TBC1D5: variants seen among roughly 807,000 people sequenced by gnomAD.
The protein encoded by TBC1D5 is TBC1 domain family, member 5.
Under a neutral mutation model 100.3 loss-of-function variants are expected in TBC1D5, and 75 were observed. The observed-to-expected ratio is 0.75, with a 90% CI of 0.62 to 0.91. The LOEUF is 0.91. TBC1D5 is among the 40% of genes least tolerant of loss of function. The probability of loss-of-function intolerance (pLI) is 0.00; values close to 1 mark genes in which losing one functional copy is unlikely to be tolerated. For missense variants in TBC1D5, 910 were observed against 942.4 expected, an observed-to-expected ratio of 0.97 and a Z score of 0.45; for synonymous variants, 323 against 325.6, an observed-to-expected ratio of 0.99 and a Z score of 0.09.
chr3:17,373,441 A>G (rs1473705909), intron 12 of TBC1D5, among the ~76,000 whole-genome samples: 1 of 152,180 alleles, frequency 6.6e-6, no homozygotes, highest in African/African-American at 2.4e-5. Context: ...TAATATAATG[A>G]GACAACCATA....
chr3:17,523,885 T>C (rs927406946), intron 2 of TBC1D5, among the ~76,000 whole-genome samples: 2 of 152,130 alleles, frequency 1.3e-5, no homozygotes, highest in Non-Finnish European at 1.5e-5. Context: ...AAGAGAAACA[T>C]AGTTTATCTG....
rs772992617 is a variant in TBC1D5, at chr3:17,406,440, CT to C, written c.253del (p.Arg85GlyfsTer22). ...TACCTTCCAGCAAATGCTGCGGAAC[CT>C]GCTGCTTCTCAGCTGCCCATTAATC... is the stretch of plus-strand genomic sequence containing the variant. On this transcript the variant is annotated frameshift_variant, in exon 5 of 22. Transcript: ENST00000253692. LOFTEE classifies it high-confidence loss of function. 7 of 1,609,456 alleles carry C rather than the reference CT, an allele frequency of 4.3e-6. No individual in the cohort carries two copies. In the South Asian group the frequency reaches 7.8e-5, roughly 18 times the overall value.
At chr3:17,631,622 T>C (rs1305273182) in intron 1 of TBC1D5, among the ~76,000 whole-genome samples, 1 of 152,230 alleles carries the variant, frequency 6.6e-6, no homozygotes, top group Admixed American at 6.5e-5. Context: ...ACTACTCTGT[T>C]AAGGTCTAAT....
chr3:17,161,307 G>A, intron 21 of TBC1D5, 51 bp from the exon 23 acceptor site: 1 of 1,547,638 alleles, frequency 6.5e-7, no homozygotes, highest in Non-Finnish European at 8.7e-7. Context: ...AACTGGCAAA[G>A]AACTGAGTGG....
intron 2 of TBC1D5, among the ~76,000 whole-genome samples, chr3:17,602,876 A>G (rs1490041245): frequency 6.6e-6 from 1 of 151,940 alleles, no homozygotes; most frequent in Admixed American, 6.6e-5. Context: ...TGCCCGGCCG[A>G]CAATCAGATT....
At position 17,214,384 on chromosome 3, in the gene TBC1D5, T is replaced by A. The variant is rs773286584; in HGVS notation, c.1589-14A>T. 2 of 1,606,782 alleles carry A rather than the reference T, an allele frequency of 1.2e-6. No individual in the cohort carries two copies. Among genetic ancestry groups the A allele is most frequent in the East Asian group, 4.5e-5 (2 of 44,610 alleles). ...TAGAACTTAGCCCTGTAAGAAAAATTAAGTAGCAATAATGAAACACCAGAC... is the reference window on the plus strand; with the variant it reads ...TAGAACTTAGCCCTGTAAGAAAAATAAAGTAGCAATAATGAAACACCAGAC... On this transcript the variant is annotated splice_polypyrimidine_tract_variant and intron_variant, in intron 17 of 21. Coordinates refer to ENST00000253692, the Ensembl canonical transcript of TBC1D5.
intron 3 of TBC1D5, among the ~76,000 whole-genome samples, chr3:17,476,816 T>A (rs1257473473): frequency 6.6e-6 from 1 of 151,926 alleles, no homozygotes; most frequent in African/African-American, 2.4e-5. Flanking sequence ...TACCACATAG[T>A]TTACTGATTT....
intron 1 of TBC1D5, among the ~76,000 whole-genome samples, chr3:17,726,109 T>A (rs2076106467): frequency 6.6e-6 from 1 of 152,238 alleles, no homozygotes. Flanking sequence ...CTTTATCCAG[T>A]CTACCACTGA....
At chr3:17,619,741 G>T (rs866057481) in intron 2 of TBC1D5, among the ~76,000 whole-genome samples, 1 of 152,170 alleles carries the variant, frequency 6.6e-6, no homozygotes. Flanking sequence ...ATAAAATTTC[G>T]CAGGACAAAA....
At chr3:17,217,637 T>G (rs1414266406) in intron 17 of TBC1D5, among the ~76,000 whole-genome samples, 2 of 152,128 alleles carry the variant, frequency 1.3e-5, no homozygotes, top group Admixed American at 6.6e-5. Flanking sequence ...ATGCTTAGCA[T>G]CTTTTCAGGT....
chr3:17,663,333 A>G (rs914618158), intron 1 of TBC1D5, among the ~76,000 whole-genome samples: 1 of 151,304 alleles, frequency 6.6e-6, no homozygotes, highest in Admixed American at 6.6e-5. Context: ...TCACTAGTTT[A>G]AAAAAAAATC....
exon 15 of TBC1D5, chr3:17,291,939 C>A: frequency 3.7e-6 from 6 of 1,613,944 alleles, no homozygotes; most frequent in Non-Finnish European, 5.1e-6. Flanking sequence ...AGTGAGTGTA[C>A]ATCCCCGATG....
At chr3:17,710,680 T>C (rs1326899815) in intron 1 of TBC1D5, among the ~76,000 whole-genome samples, 3 of 151,672 alleles carry the variant, frequency 2.0e-5, no homozygotes, top group Non-Finnish European at 4.4e-5. Context: ...TTTCATTTAT[T>C]TTATTTATTT....
Position 17,250,631 on chromosome 3 carries a change from G to A in TBC1D5, c.1331+7875C>T, listed in dbSNP as rs367779875. On this transcript the variant is annotated intron_variant, in intron 16 of 21. Transcript: ENST00000253692. The stretch of plus-strand genomic sequence containing the variant: ...CTTTGTACTTGCATTTTCCTATAAC[G>A]GGAAATGTTCTTCCCCAAGAATCCA... Among the ~76,000 whole-genome samples, 70 of 152,228 alleles carry A rather than the reference G, an allele frequency of 4.6e-4. No homozygotes were observed. In the Middle Eastern group the frequency reaches 0.01, roughly 22 times the overall value.
At chr3:17,395,431 T>A (rs1422690372) in intron 8 of TBC1D5, among the ~76,000 whole-genome samples, 4 of 152,014 alleles carry the variant, frequency 2.6e-5, no homozygotes, top group African/African-American at 9.7e-5. Context: ...ATTAAAAAAA[T>A]AAATACAAAG....
At chr3:17,363,480 G>A (rs2091881340) in intron 13 of TBC1D5, among the ~76,000 whole-genome samples, 1 of 150,870 alleles carries the variant, frequency 6.6e-6, no homozygotes, top group Admixed American at 6.6e-5. Flanking sequence ...ATTTTTTAGA[G>A]ACAGGGTCTA....
intron 18 of TBC1D5, among the ~76,000 whole-genome samples, chr3:17,194,378 G>A (rs979172344): frequency 6.6e-6 from 1 of 152,150 alleles, no homozygotes; most frequent in East Asian, 1.9e-4. Flanking sequence ...GCTTCCAGGA[G>A]AGCCTTCCAA....
chr3:17,666,306 C>A (rs2067247452), intron 1 of TBC1D5, among the ~76,000 whole-genome samples: 1 of 152,128 alleles, frequency 6.6e-6, no homozygotes, highest in South Asian at 2.1e-4. Flanking sequence ...GTCTTATGAC[C>A]TTGGTCCAAT....
At chr3:17,480,908 G>A (rs1027875515) in intron 3 of TBC1D5, among the ~76,000 whole-genome samples, 1 of 152,188 alleles carries the variant, frequency 6.6e-6, no homozygotes. Context: ...AAGAACTTGG[G>A]ACCTGCCAAA....
Sources: allele counts gnomAD v4.1 joint callset (sites outside exome capture counted in the v4.1 genomes callset), GRCh38; gene constraint gnomAD v4.1.1; transcripts MANE v1.5; gene names NCBI Gene and HGNC (gene_info 2026-07-23, HGNC 2026-07-21).